The following CSNK1A1 variants were observed in gnomAD, a reference collection of about 807,000 sequenced individuals.
The protein encoded by CSNK1A1 is casein kinase I isoform alpha.
Under a neutral mutation model 46.1 loss-of-function variants are expected in CSNK1A1, and 7 were observed. That is an observed-to-expected ratio of 0.15 (90% confidence interval 0.09 to 0.29). The LOEUF (loss-of-function observed/expected upper bound fraction) is 0.29, where lower values mean the gene tolerates loss of function less well. Ranked by LOEUF, CSNK1A1 falls within the 10% of genes least tolerant of loss-of-function variation. CSNK1A1 has a pLI of 1.00. For synonymous variants in CSNK1A1, 137 were observed against 141.5 expected (o/e 0.97, Z 0.23); for missense variants, 96 against 417.1 (o/e 0.23, Z 6.71).
chr5:149,497,460 T>C, intron 9 of CSNK1A1: 1 of 986,124 alleles, frequency 1.0e-6, no homozygotes, highest in Non-Finnish European at 1.2e-6. Context: ...AAGTGATGCT[T>C]TTTTGGCTTT....
chr5:149,506,663 C>T (rs995352492), intron 8 of CSNK1A1, among the ~76,000 whole-genome samples: 2 of 152,164 alleles, frequency 1.3e-5, no homozygotes, highest in Non-Finnish European at 2.9e-5. Flanking sequence ...GGACTGCTAC[C>T]ACTTGATCAG....
At position 149,496,159 on chromosome 5, in the gene CSNK1A1, T is replaced by A. The variant is rs569523587; in HGVS notation, c.*694A>T. The A allele has an allele frequency of 6.5e-6, 1 of 152,768 alleles. No individual in the cohort carries two copies. Among genetic ancestry groups the A allele is most frequent in the South Asian group, 2.1e-4 (1 of 4,828 alleles). 9.5% of individuals were successfully genotyped at this position (152,768 alleles called of 1,614,324 possible). On this transcript the variant is annotated 3_prime_UTR_variant, in exon 10 of 10. Transcript: ENST00000377843. ...AAATTTCTGTGACAAATATGCTTTT[T>A]TTTTAATACCAAGAACATTATAGAG...
At position 149,551,155 on chromosome 5, in the gene CSNK1A1, C is replaced by G. The variant is rs976316597; in HGVS notation, c.-191G>C. The G allele has an allele frequency of 1.6e-5, 8 of 502,388 alleles. No individual in the cohort carries two copies. The African/African-American group carries it at 1.6e-4, about 10-fold the overall frequency. The allele number at this position is 502,388 out of a possible 1,614,324, so 31.1% of individuals were successfully genotyped here. On this transcript the variant is annotated 5_prime_UTR_variant, in exon 1 of 10. Transcript: ENST00000377843. ...TGATCACCGCCGCTCAGTCAGGTTT[C>G]TTTTTGCCAGGCCGCAGTTTGTGAA...
intron 2 of CSNK1A1, among the ~76,000 whole-genome samples, chr5:149,543,252 C>T (rs769841620): frequency 6.6e-6 from 1 of 152,076 alleles, no homozygotes; most frequent in Non-Finnish European, 1.5e-5. Flanking sequence ...TAATGATTCT[C>T]AGAAGAACTG....
intron 4 of CSNK1A1, among the ~76,000 whole-genome samples, chr5:149,516,837 T>C (rs1761420253): frequency 6.6e-6 from 1 of 152,166 alleles, no homozygotes. Context: ...GGAATAAAGC[T>C]GGGCAGTATG....
chr5:149,499,013 T>TA lies in CSNK1A1; in HGVS notation c.1007-2154dup. 3 of 985,476 alleles carry TA rather than the reference T, an allele frequency of 3.0e-6. 1 individual carries two copies. In the South Asian group the frequency reaches 1.4e-4, roughly 46 times the overall value. 61.0% of individuals were successfully genotyped at this position (985,476 alleles called of 1,614,324 possible). ...AGAATAGAGCAGTCAAATCCAGCTT[T>TA]AACTCTTCAAATGGGTCAATGGTAT... On this transcript the variant is annotated intron_variant, in intron 9 of 9. Transcript: ENST00000377843.
intron 3 of CSNK1A1, among the ~76,000 whole-genome samples, chr5:149,524,159 A>G (rs1021476562): frequency 2.0e-5 from 3 of 152,012 alleles, no homozygotes; most frequent in African/African-American, 7.2e-5. Context: ...CCTTTTCCTC[A>G]TTTTATTTTC....
intron 2 of CSNK1A1, among the ~76,000 whole-genome samples, chr5:149,532,201 T>C (rs1318056724): frequency 6.6e-6 from 1 of 152,166 alleles, no homozygotes; most frequent in African/African-American, 2.4e-5. Flanking sequence ...TATTAATGCA[T>C]TAAATATAGG....
At chr5:149,545,966 G>A (rs1762467806) in intron 2 of CSNK1A1, among the ~76,000 whole-genome samples, 2 of 151,258 alleles carry the variant, frequency 1.3e-5, no homozygotes, top group African/African-American at 4.9e-5. Context: ...TTGGCTCACT[G>A]CAACCTCCGC....
intron 7 of CSNK1A1, among the ~76,000 whole-genome samples, chr5:149,508,585 T>C (rs1395874458): frequency 6.6e-6 from 1 of 152,246 alleles, no homozygotes; most frequent in Non-Finnish European, 1.5e-5. Flanking sequence ...TGCCTTTCTA[T>C]GAAGTTGAAA....
chr5:149,550,793 G>A lies in CSNK1A1; in HGVS notation c.123+49C>T, dbSNP rs1762634285. The A allele has an allele frequency of 1.2e-6, 2 of 1,612,172 alleles. No homozygotes were observed. The highest frequency in any genetic ancestry group is 1.7e-6 in the Non-Finnish European group (2 of 1,178,826). On this transcript the variant is annotated intron_variant, in intron 1 of 9. Coordinates refer to ENST00000377843, the MANE Select transcript of CSNK1A1 (RefSeq NM_001892.6). The surrounding 1 kb of genome is among the most constrained non-coding windows in gnomAD (Gnocchi z 4.3). ...TGGGGGTGCACGGTGGTGGTGGGGGGAATGAGTAAAAGCGCAGCGTTATCG... is the reference window on the plus strand; with the variant it reads ...TGGGGGTGCACGGTGGTGGTGGGGGAAATGAGTAAAAGCGCAGCGTTATCG...
chr5:149,543,207 T>C (rs928852579), intron 2 of CSNK1A1, among the ~76,000 whole-genome samples: 2 of 152,158 alleles, frequency 1.3e-5, no homozygotes, highest in African/African-American at 4.8e-5. Context: ...GTGGAGTGTG[T>C]GAGAGGGCAT....
At chr5:149,500,926 G>T (rs1760836062) in intron 9 of CSNK1A1, 2 of 963,672 alleles carry the variant, frequency 2.1e-6, no homozygotes, top group South Asian at 9.6e-5. Flanking sequence ...TTCCTAAACT[G>T]CATTAAAAAA....
At chr5:149,506,478 C>A (rs1427579438) in intron 8 of CSNK1A1, among the ~76,000 whole-genome samples, 1 of 151,906 alleles carries the variant, frequency 6.6e-6, no homozygotes, top group Non-Finnish European at 1.5e-5. Flanking sequence ...CTCAAGCGAT[C>A]TGCCCGCCTC....
chr5:149,510,468 GTTTT>G (rs374883658), intron 6 of CSNK1A1, among the ~76,000 whole-genome samples: 1 of 150,442 alleles, frequency 6.6e-6, no homozygotes, highest in African/African-American at 2.4e-5. Flanking sequence ...CCTTTTCTTT[GTTTT>G]TTTGTTTGTT....
intron 9 of CSNK1A1, chr5:149,503,207 A>C (rs1760926994): frequency 4.1e-6 from 4 of 985,334 alleles, no homozygotes; most frequent in Non-Finnish European, 4.8e-6. Flanking sequence ...GATTTCTTAA[A>C]GGATAACTTG....
chr5:149,497,808 A>G (rs1760700497), intron 9 of CSNK1A1: 15 of 985,404 alleles, frequency 1.5e-5, no homozygotes, highest in Admixed American at 6.2e-5. Context: ...GTTTTCTTCA[A>G]TCATAAACTG....
At chr5:149,543,841 T>C (rs1762379956) in intron 2 of CSNK1A1, among the ~76,000 whole-genome samples, 1 of 151,920 alleles carries the variant, frequency 6.6e-6, no homozygotes, top group Non-Finnish European at 1.5e-5. Flanking sequence ...AGTGTGCTAT[T>C]ATCATACTTC....
chr5:149,497,268 C>T (rs918821543), intron 9 of CSNK1A1: 1 of 994,438 alleles, frequency 1.0e-6, no homozygotes, highest in Non-Finnish European at 1.2e-6. Flanking sequence ...CAAATTATTT[C>T]TGACACAAAT....
Sources: gnomAD v4.1 joint callset for allele counts (sites outside exome capture counted in the v4.1 genomes callset) on GRCh38, gnomAD v4.1.1 for gene constraint, Gnocchi (gnomAD v3.1) non-coding constraint, MANE v1.5 for transcripts, NCBI Gene and HGNC (gene_info 2026-07-23, HGNC 2026-07-21) for gene names.